Variants in STMND1 observed in about 807,000 individuals in gnomAD.
STMND1 encodes stathmin domain containing 1, also known as stathmin domain-containing protein 1.
A neutral mutation model predicts 23.0 loss-of-function variants in STMND1; 17 were observed. The ratio of observed to expected loss-of-function variants is 0.74; its 90% CI spans 0.51 to 1.11. STMND1 has a LOEUF of 1.11. Ranked by LOEUF, STMND1 falls within the 50% of genes least tolerant of loss-of-function variation. The pLI, the probability that STMND1 is intolerant of heterozygous loss-of-function variation, is 0.00. For missense variants in STMND1, 305 were observed against 329.1 expected (o/e 0.93, Z 0.57); for synonymous variants, 114 against 119.9 (o/e 0.95, Z 0.32).
intron 1 of STMND1, among the ~76,000 whole-genome samples, chr6:17,102,960 A>G (rs1047040264): frequency 6.6e-6 from 1 of 152,130 alleles, no homozygotes. Flanking sequence ...CTTTTCCCTA[A>G]TTCCTCAAAG....
chr6:17,114,415 C>T (rs1191642401), intron 1 of STMND1, among the ~76,000 whole-genome samples: 3 of 152,118 alleles, frequency 2.0e-5, no homozygotes, highest in African/African-American at 7.2e-5. Flanking sequence ...CAGGCACCCG[C>T]CACCATGCCT....
At chr6:17,103,152 A>G (rs1275212213) in intron 1 of STMND1, among the ~76,000 whole-genome samples, 1 of 152,214 alleles carries the variant, frequency 6.6e-6, no homozygotes, top group Admixed American at 6.5e-5. Context: ...TTACACCGAA[A>G]GATAAGGCTA....
At chr6:17,127,273 G>A in intron 3 of STMND1, among the ~76,000 whole-genome samples, 1 of 152,232 alleles carries the variant, frequency 6.6e-6, no homozygotes, top group East Asian at 1.9e-4. Context: ...GCACACGCTG[G>A]GCGTGGAGGC....
At chr6:17,129,351 T>A in intron 4 of STMND1, 108 bp downstream of exon 4, 1 of 1,048,436 alleles carries the variant, frequency 9.5e-7, no homozygotes. Flanking sequence ...CATGGATCTA[T>A]AATCAGTATT....
At chr6:17,104,903 A>G (rs1013852703) in intron 1 of STMND1, among the ~76,000 whole-genome samples, 1 of 152,196 alleles carries the variant, frequency 6.6e-6, no homozygotes, top group Non-Finnish European at 1.5e-5. Context: ...GTAATAATAC[A>G]CATAGTGGGG....
intron 3 of STMND1, 27 bp from the exon 4 acceptor site, chr6:17,129,085 T>C (rs1761348832): frequency 6.5e-7 from 1 of 1,532,638 alleles, no homozygotes; most frequent in Non-Finnish European, 8.7e-7. Flanking sequence ...TGATTGTTTC[T>C]TCATGTAAAA....
chr6:17,107,052 G>C (rs1170017824), intron 1 of STMND1, among the ~76,000 whole-genome samples: 1 of 152,118 alleles, frequency 6.6e-6, no homozygotes, highest in Non-Finnish European at 1.5e-5. Context: ...AATTCTAGTT[G>C]ATTGTCAGTA....
chr6:17,103,213 A>G (rs555347150), intron 1 of STMND1, among the ~76,000 whole-genome samples: 1 of 152,322 alleles, frequency 6.6e-6, no homozygotes, highest in Admixed American at 6.5e-5. Flanking sequence ...AGGAAACCCT[A>G]TTAATACATT....
chr6:17,126,113 T>G, intron 3 of STMND1, among the ~76,000 whole-genome samples: 1 of 127,642 alleles, frequency 7.8e-6, no homozygotes, highest in Admixed American at 8.7e-5. Context: ...AGACAGGGTC[T>G]GACTACATTG....
At chr6:17,122,624 A>C (rs1179837798) in intron 3 of STMND1, among the ~76,000 whole-genome samples, 1 of 152,044 alleles carries the variant, frequency 6.6e-6, no homozygotes, top group Non-Finnish European at 1.5e-5. Context: ...CTTTTGAAAA[A>C]GGAAAATAAA....
chr6:17,114,367 C>T (rs769182653), intron 1 of STMND1, among the ~76,000 whole-genome samples: 34 of 151,624 alleles, frequency 2.2e-4, no homozygotes, highest in Non-Finnish European at 4.4e-4. Flanking sequence ...TGGGTTCAAG[C>T]GATTCTCCTG....
At chr6:17,104,996 C>G (rs1383494132) in intron 1 of STMND1, among the ~76,000 whole-genome samples, 1 of 152,088 alleles carries the variant, frequency 6.6e-6, no homozygotes, top group East Asian at 1.9e-4. Context: ...CTGTACTGAA[C>G]ATGTATAGAC....
At chr6:17,126,915 T>C (rs999323364) in intron 3 of STMND1, among the ~76,000 whole-genome samples, 2 of 152,124 alleles carry the variant, frequency 1.3e-5, no homozygotes, top group African/African-American at 4.8e-5. Flanking sequence ...GTTGAGAAAA[T>C]TGAGTCCAAA....
chr6:17,122,307 A>G (rs1414695234), intron 3 of STMND1, among the ~76,000 whole-genome samples: 1 of 152,018 alleles, frequency 6.6e-6, no homozygotes, highest in Non-Finnish European at 1.5e-5. Context: ...TCCTTGAAGT[A>G]CAGGCAGAAG....
chr6:17,113,422 G>A (rs1047922051), intron 1 of STMND1, among the ~76,000 whole-genome samples: 2 of 152,108 alleles, frequency 1.3e-5, no homozygotes, highest in African/African-American at 2.4e-5. Context: ...GACTGGATGA[G>A]ACCTACCCAG....
intron 1 of STMND1, among the ~76,000 whole-genome samples, chr6:17,106,747 A>G (rs1284676684): frequency 6.6e-6 from 1 of 152,246 alleles, no homozygotes. Flanking sequence ...GTTTGCTTGC[A>G]TGAAATATTT....
chr6:17,126,063 TATA>T (rs1561925767), intron 3 of STMND1, among the ~76,000 whole-genome samples: 38 of 27,820 alleles, frequency 1.4e-3, no homozygotes, highest in Non-Finnish European at 1.7e-3. Context: ...TATATATATA[TATA>T]TATATTTTTT....
intron 3 of STMND1, among the ~76,000 whole-genome samples, chr6:17,123,812 T>TA (rs1761261519): frequency 6.6e-6 from 1 of 152,092 alleles, no homozygotes; most frequent in African/African-American, 2.4e-5. Context: ...CCTAAGGAAA[T>TA]AAAAGAGATG....
At chr6:17,127,527 G>A (rs1282665336) in intron 3 of STMND1, among the ~76,000 whole-genome samples, 3 of 152,192 alleles carry the variant, frequency 2.0e-5, no homozygotes, top group South Asian at 2.1e-4. Flanking sequence ...TCCAGCCTGG[G>A]TGACAGGGCA....
Sources: gnomAD v4.1 joint callset for allele counts (sites outside exome capture counted in the v4.1 genomes callset) on GRCh38, gnomAD v4.1.1 for gene constraint, MANE v1.5 for transcripts, NCBI Gene and HGNC (gene_info 2026-07-23, HGNC 2026-07-21) for gene names.